Variants in CA10 observed in about 807,000 individuals in gnomAD.
CA10 encodes carbonic anhydrase-related protein 10.
CA10 carries 14 observed loss-of-function variants against 44.2 expected under a neutral mutation model. The observed-to-expected ratio is 0.32, with a 90% CI of 0.21 to 0.50. The LOEUF (loss-of-function observed/expected upper bound fraction) is 0.50, where lower values mean the gene tolerates loss of function less well. CA10 is among the 20% of genes least tolerant of loss of function. CA10 has a pLI of 0.99. For synonymous variants in CA10, 159 were observed against 141.6 expected (o/e 1.12, Z -0.87); for missense variants, 350 against 409.7 (o/e 0.85, Z 1.26).
At chr17:52,148,952 A>G (rs772639948) in intron 1 of CA10, among the ~76,000 whole-genome samples, 1 of 152,122 alleles carries the variant, frequency 6.6e-6, no homozygotes, top group Non-Finnish European at 1.5e-5. Flanking sequence ...ATATTACTTT[A>G]TTGTTTATTT....
intron 3 of CA10, among the ~76,000 whole-genome samples, chr17:51,788,273 G>A (rs574513634): frequency 6.6e-6 from 1 of 152,142 alleles, no homozygotes; most frequent in African/African-American, 2.4e-5. Flanking sequence ...TCCTCTTGTT[G>A]TTGATTTCTA....
chr17:52,009,594 A>C (rs1265148263), intron 2 of CA10, among the ~76,000 whole-genome samples: 2 of 152,036 alleles, frequency 1.3e-5, no homozygotes, highest in African/African-American at 4.8e-5. Flanking sequence ...GGCTTTTAGA[A>C]TACCTCTAAA....
chr17:51,703,306 C>G (rs904711194), intron 4 of CA10, among the ~76,000 whole-genome samples: 4 of 152,090 alleles, frequency 2.6e-5, no homozygotes, highest in Admixed American at 1.3e-4. Flanking sequence ...ATAACTCCAA[C>G]AAGGAAGTCA....
chr17:51,979,283 T>A, intron 2 of CA10, among the ~76,000 whole-genome samples: 1 of 152,152 alleles, frequency 6.6e-6, no homozygotes, highest in East Asian at 1.9e-4. Flanking sequence ...GACAAAGAAC[T>A]TGTACCCAGA....
At chr17:51,668,821 C>T (rs888349872) in intron 4 of CA10, among the ~76,000 whole-genome samples, 1 of 152,104 alleles carries the variant, frequency 6.6e-6, no homozygotes, top group Non-Finnish European at 1.5e-5. Context: ...CGTGGGCCAG[C>T]GCGAGTTCTG....
intron 1 of CA10, among the ~76,000 whole-genome samples, chr17:52,104,524 G>C (rs1317961230): frequency 6.6e-6 from 1 of 152,118 alleles, no homozygotes; most frequent in Non-Finnish European, 1.5e-5. Flanking sequence ...GTTCTTAGCT[G>C]TCTTTCTCAA....
chr17:52,087,209 C>T (rs571041798), intron 1 of CA10, among the ~76,000 whole-genome samples: 20 of 152,290 alleles, frequency 1.3e-4, no homozygotes, highest in African/African-American at 4.3e-4. Context: ...GGCCTGATGT[C>T]GTCTCACTGC....
At chr17:51,807,163 C>A (rs1422448040) in intron 3 of CA10, among the ~76,000 whole-genome samples, 1 of 152,130 alleles carries the variant, frequency 6.6e-6, no homozygotes, top group African/African-American at 2.4e-5. Context: ...GGGCATTTCC[C>A]TGTAGAAAGC....
Position 51,797,631 on chromosome 17 carries a change from G to A in CA10, c.280-49813C>T, listed in dbSNP as rs149151213. ...AGCACTTTGGGAAGCTGAGGCAGGC[G>A]GATCACGAGGTCAGGATTTCGAGAC... On this transcript the variant is annotated intron_variant, in intron 3 of 8. Transcript: ENST00000451037. Among the ~76,000 whole-genome samples the A allele has an allele frequency of 2.3e-3, 343 of 152,096 alleles. 1 individual carries two copies. The highest frequency in any genetic ancestry group is 7.9e-3 in the African/African-American group (326 of 41,490).
intron 3 of CA10, among the ~76,000 whole-genome samples, chr17:51,872,891 T>C (rs926731271): frequency 5.9e-5 from 9 of 152,086 alleles, no homozygotes; most frequent in African/African-American, 2.2e-4. Context: ...CCACACCAGT[T>C]AGCCAAAAGC....
intron 3 of CA10, among the ~76,000 whole-genome samples, chr17:51,757,788 A>C (rs1236322813): frequency 6.6e-6 from 1 of 152,160 alleles, no homozygotes; most frequent in Non-Finnish European, 1.5e-5. Context: ...CATAGTATTG[A>C]TTAGAAATGG....
At chr17:51,851,132 C>T (rs1270324129) in intron 3 of CA10, among the ~76,000 whole-genome samples, 1 of 152,232 alleles carries the variant, frequency 6.6e-6, no homozygotes, top group Non-Finnish European at 1.5e-5. Context: ...TTCCAAGCCT[C>T]AGCACTGTCA....
At chr17:52,099,337 A>C (rs1184734602) in intron 1 of CA10, among the ~76,000 whole-genome samples, 1 of 152,188 alleles carries the variant, frequency 6.6e-6, no homozygotes, top group East Asian at 1.9e-4. Context: ...TGACCTACAT[A>C]AGTCAGGGTC....
chr17:51,754,229 C>T (rs1013711106), intron 3 of CA10, among the ~76,000 whole-genome samples: 14 of 150,696 alleles, frequency 9.3e-5, no homozygotes, highest in Non-Finnish European at 3.0e-5. Context: ...TAGTTTGGAG[C>T]TCAGGATGTT....
Position 52,104,099 on chromosome 17 carries a change from T to C in CA10, c.62-31706A>G, listed in dbSNP as rs193000286. On this transcript the variant is annotated intron_variant, in intron 1 of 8. Coordinates refer to ENST00000451037, the MANE Select transcript of CA10 (RefSeq NM_020178.5). ...CAAGTCTAATGGACTTAAGATAATA[T>C]AAGGACATCTGTTAGGCAATCAGCA... Among the ~76,000 whole-genome samples the C allele has an allele frequency of 1.6e-4, 24 of 152,154 alleles. 1 individual carries two copies. The highest frequency in any genetic ancestry group is 9.8e-4 in the Admixed American group (15 of 15,288).
In CA10 at chr17:52,100,624, G is replaced by C. The variant is rs150107362; in HGVS notation, c.62-28231C>G. On this transcript the variant is annotated intron_variant, in intron 1 of 8. Coordinates refer to ENST00000451037, the MANE Select transcript of CA10 (RefSeq NM_020178.5). ...AAATGTCTTAAAATTACGGAACTAC[G>C]TCTTATCCTGTCTCAGTTCTCCCAC... 1.2e-4 allele frequency among the ~76,000 whole-genome samples: 19 copies of C among 152,238 alleles called. No homozygotes were observed. The East Asian group carries it at 3.7e-3, about 29-fold the overall frequency.
chr17:52,005,457 G>A (rs1157294818), intron 2 of CA10, among the ~76,000 whole-genome samples: 1 of 151,950 alleles, frequency 6.6e-6, no homozygotes, highest in Non-Finnish European at 1.5e-5. Flanking sequence ...AGATTGGCCA[G>A]ATCACACTGT....
At chr17:51,898,250 G>A (rs78596504) in intron 3 of CA10, among the ~76,000 whole-genome samples, 20,330 of 151,540 alleles carry the variant, frequency 0.13, 2,164 homozygotes, top group African/African-American at 0.3. Context: ...CACAGTGTCT[G>A]GTTTGTTGTT....
intron 3 of CA10, among the ~76,000 whole-genome samples, chr17:51,787,498 C>CTT (rs575519452): frequency 3.5e-5 from 5 of 144,280 alleles, no homozygotes; most frequent in South Asian, 2.2e-4. Context: ...CTTTTTTTTC[C>CTT]TTTTTTTTTT....
Sources: allele counts gnomAD v4.1 joint callset (sites outside exome capture counted in the v4.1 genomes callset), GRCh38; gene constraint gnomAD v4.1.1; transcripts MANE v1.5; gene names NCBI Gene and HGNC (gene_info 2026-07-23, HGNC 2026-07-21).